Variants in C4orf50 observed in about 807,000 individuals in gnomAD.
The protein encoded by C4orf50 is uncharacterized protein C4orf50.
In C4orf50, 80 loss-of-function variants were observed where a neutral mutation model predicts 77.2. That is an observed-to-expected ratio of 1.04 (90% CI 0.87 to 1.25). The LOEUF (loss-of-function observed/expected upper bound fraction) is 1.25, where lower values mean the gene tolerates loss of function less well. C4orf50 is among the 50% of genes most tolerant of loss of function. The pLI is 0.00. For missense variants in C4orf50, 1,257 were observed against 1,152.9 expected (o/e 1.09, Z -1.31); for synonymous variants, 532 against 465.3 (o/e 1.14, Z -1.84).
intron 7 of C4orf50, among the ~76,000 whole-genome samples, chr4:5,925,473 G>C (rs181942296): frequency 6.6e-6 from 1 of 152,222 alleles, no homozygotes; most frequent in South Asian, 2.1e-4. Flanking sequence ...CCTCAGGACC[G>C]ATGGTCACCC....
intron 7 of C4orf50, among the ~76,000 whole-genome samples, chr4:5,947,886 C>T (rs1380930421): frequency 6.6e-6 from 1 of 152,202 alleles, no homozygotes; most frequent in Non-Finnish European, 1.5e-5. Context: ...GCTGTCAGCC[C>T]AGCCCCCAGG....
intron 7 of C4orf50, among the ~76,000 whole-genome samples, chr4:5,939,632 T>C (rs1233230959): frequency 6.6e-6 from 1 of 152,056 alleles, no homozygotes; most frequent in African/African-American, 2.4e-5. Flanking sequence ...CCTGCACAGC[T>C]TTGGAATGTG....
chr4:5,947,831 A>G (rs10005242), intron 7 of C4orf50, among the ~76,000 whole-genome samples: 105,127 of 152,106 alleles, frequency 0.69, 37,470 homozygotes, highest in African/African-American at 0.8. Flanking sequence ...TGCTTTATCT[A>G]CTTTCAGTTT....
intron 25 of C4orf50, among the ~76,000 whole-genome samples, chr4:5,998,546 C>G (rs752226808): frequency 1.2e-4 from 18 of 152,206 alleles, no homozygotes; most frequent in African/African-American, 4.1e-4. Flanking sequence ...TAGAGGCTGG[C>G]GGGATCATCC....
intron 7 of C4orf50, among the ~76,000 whole-genome samples, chr4:5,947,815 C>G (rs946008045): frequency 6.6e-6 from 1 of 152,184 alleles, no homozygotes; most frequent in African/African-American, 2.4e-5. Flanking sequence ...CTGATAAAAT[C>G]AGGACTGCTT....
rs1213133222 is a variant in C4orf50 at position 5,990,437 on chromosome 4, GA to G, written c.1608del (p.Leu537Ter). 9.9e-6 allele frequency: 4 copies of G among 403,846 alleles called. No individual in the cohort carries two copies. The highest frequency in any genetic ancestry group is 8.2e-5 in the African/African-American group (4 of 48,672). The allele number at this position is 403,846 out of a possible 1,614,324, so 25.0% of individuals were successfully genotyped here. A position where few individuals can be genotyped will look rare whatever the true frequency, so the allele number is the denominator to read the frequency against. On this transcript the variant is annotated frameshift_variant, in exon 28 of 34. Transcript: ENST00000531445. LOFTEE classifies it high-confidence loss of function. ...TTCAGATCCTTGGGGTGTTTTTTCAGAAATGGGTGATTTGAAATGTAGGGGG... is the reference window on the plus strand; with the variant it reads ...TTCAGATCCTTGGGGTGTTTTTTCAGAATGGGTGATTTGAAATGTAGGGGG...
intron 7 of C4orf50, among the ~76,000 whole-genome samples, chr4:5,925,903 C>T (rs1478833543): frequency 6.6e-6 from 1 of 152,162 alleles, no homozygotes; most frequent in Non-Finnish European, 1.5e-5. Flanking sequence ...GAGATGCAGA[C>T]CCAGGGCAAG....
intron 7 of C4orf50, among the ~76,000 whole-genome samples, chr4:5,909,515 T>C (rs1172687796): frequency 6.6e-6 from 1 of 152,266 alleles, no homozygotes; most frequent in Non-Finnish European, 1.5e-5. Context: ...TTTAGTTTGA[T>C]ACAATCACAG....
At chr4:5,976,026 G>C (rs964580825) in intron 29 of C4orf50, 71 bp from the exon 8 acceptor site, 8 of 1,306,774 alleles carry the variant, frequency 6.1e-6, no homozygotes, top group Non-Finnish European at 8.9e-6. Context: ...CCCCAGGCAA[G>C]CTGGGCTCAG....
At chr4:6,004,246 G>A (rs1577992341) in intron 25 of C4orf50, among the ~76,000 whole-genome samples, 1 of 88,278 alleles carries the variant, frequency 1.1e-5, no homozygotes, top group Admixed American at 1.1e-4. Flanking sequence ...TGATGATGGT[G>A]ATGATGGTGA....
chr4:5,939,592 G>A (rs923803516), intron 7 of C4orf50, among the ~76,000 whole-genome samples: 1 of 152,144 alleles, frequency 6.6e-6, no homozygotes, highest in African/African-American at 2.4e-5. Context: ...GCTGTTCAGA[G>A]GCTTTCTCAT....
rs116233046 is a variant in C4orf50 at position 5,988,759 on chromosome 4, A to G, written c.3287T>C (p.Val1096Ala). 3.5e-3 allele frequency: 5,384 copies of G among 1,536,004 alleles called. 154 individuals carry two copies. The African/African-American group carries it at 0.064, about 18-fold the overall frequency. ...GGTGACTTCCCTCTCCAGGACATGG[A>G]CCCTGCGTAGAAGGTGCTCGTTCTC... is the stretch of plus-strand genomic sequence containing the variant. The change falls in exon 28 of 34, where the codon GTC (valine) becomes GCC (alanine). Residue 1096 changes from valine (V) to alanine (A), a missense_variant. Transcript: ENST00000531445.
chr4:5,944,762 C>T lies in C4orf50; in HGVS notation c.*2474+12139G>A, dbSNP rs545314394. 2.0e-5 allele frequency among the ~76,000 whole-genome samples: 3 copies of T among 152,234 alleles called. No individual in the cohort carries two copies. The East Asian group carries it at 5.8e-4, about 30-fold the overall frequency. On this transcript the variant is annotated intron_variant, in intron 7 of 7. Transcript: ENST00000324058. ...AGGAAACAGAAGAGGGCAGCTGGGA[C>T]AGGGCTCAGCGGCACGGTGGGAAAT...
Position 5,916,782 on chromosome 4 carries a change from G to C in C4orf50, c.*2475-18594C>G, listed in dbSNP as rs975569612. Among the ~76,000 whole-genome samples the C allele has an allele frequency of 6.6e-6, 1 of 152,160 alleles. No individual in the cohort carries two copies. The highest frequency in any genetic ancestry group is 1.5e-5 in the Non-Finnish European group (1 of 68,038). ...CGAGAGCACTTCTGTGAAGAGCACA[G>C]AAGGCCTCGCAGATCTTCTGCTTAG... On this transcript the variant is annotated intron_variant, in intron 7 of 7. Transcript: ENST00000324058. The surrounding 1 kb of genome is among the most constrained non-coding windows in gnomAD (Gnocchi z 4.4).
intron 7 of C4orf50, among the ~76,000 whole-genome samples, chr4:5,914,804 C>T (rs990384977): frequency 2.0e-5 from 3 of 152,182 alleles, no homozygotes; most frequent in Non-Finnish European, 1.5e-5. Flanking sequence ...AAGGCTGAGT[C>T]AGTAAGTTAA....
At chr4:5,972,706 A>G (rs1314854966) in intron 31 of C4orf50, among the ~76,000 whole-genome samples, 1 of 152,216 alleles carries the variant, frequency 6.6e-6, no homozygotes, top group East Asian at 1.9e-4. Flanking sequence ...CCCCACAGGC[A>G]GAGCCTGGAG....
chr4:6,011,950 C>A lies in C4orf50; in HGVS notation c.306G>T (p.Leu102=), dbSNP rs1349876694. Residue 102 remains leucine, a synonymous_variant, in exon 24 of 34, where the codon CTG becomes CTT. Coordinates refer to ENST00000531445, the Ensembl canonical transcript of C4orf50. The surrounding 1 kb of genome is among the most constrained non-coding windows in gnomAD (Gnocchi z 4.2). Reference sequence around the variant, plus strand: ...CCTTCCGGAGGAGTTTCCTTTCTGACAGCTCCAGCTCCTGAATTCTGCAGC... The same window carrying A: ...CCTTCCGGAGGAGTTTCCTTTCTGAAAGCTCCAGCTCCTGAATTCTGCAGC... The A allele has an allele frequency of 7.5e-6, 3 of 398,982 alleles. No homozygotes were observed. The highest frequency in any genetic ancestry group is 4.1e-5 in the African/African-American group (2 of 48,650). The allele number at this position is 398,982 out of a possible 1,614,324, so 24.7% of individuals were successfully genotyped here.
At chr4:5,983,484 C>T (rs551763974) in intron 28 of C4orf50, among the ~76,000 whole-genome samples, 10 of 152,318 alleles carry the variant, frequency 6.6e-5, no homozygotes, top group African/African-American at 7.2e-5. Context: ...TGCTCTTCCT[C>T]GCTGCTCTTT....
Position 5,970,803 on chromosome 4 carries a change from C to T in C4orf50, c.4104+2856G>A, listed in dbSNP as rs2108772455. 6.6e-6 allele frequency among the ~76,000 whole-genome samples: 1 copy of T among 152,322 alleles called. No homozygotes were observed. Among genetic ancestry groups the T allele is most frequent in the South Asian group, 2.1e-4 (1 of 4,826 alleles). On this transcript the variant is annotated intron_variant, in intron 31 of 33. Transcript: ENST00000531445. This position sits in a 1 kb window ranked among gnomAD's most constrained non-coding sequence, Gnocchi z 4.3. ...CAGCCCAAGGCCCAGCCCCCACCCC[C>T]TCAACAGCCCTGGGACATGCTGAGG...
Sources: allele counts gnomAD v4.1 joint callset (sites outside exome capture counted in the v4.1 genomes callset), GRCh38; gene constraint gnomAD v4.1.1; non-coding constraint Gnocchi (gnomAD v3.1); transcripts MANE v1.5; gene names NCBI Gene and HGNC (gene_info 2026-07-23, HGNC 2026-07-21).